Variants in DCLK2 observed in about 807,000 individuals in gnomAD.
DCLK2 encodes doublecortin like kinase 2, also known as serine/threonine-protein kinase DCLK2.
Under a neutral mutation model 78.4 loss-of-function variants are expected in DCLK2, and 31 were observed. The ratio of observed to expected loss-of-function variants is 0.40; its 90% confidence interval spans 0.30 to 0.53. DCLK2 has a LOEUF of 0.53. Ranked by LOEUF, DCLK2 falls within the 20% of genes least tolerant of loss-of-function variation. The probability of loss-of-function intolerance (pLI) is 0.61; values close to 1 mark genes in which losing one functional copy is unlikely to be tolerated. For synonymous variants in DCLK2, 407 were observed against 374.9 expected, an observed-to-expected ratio of 1.09 and a Z score of -0.99; for missense variants, 872 against 973.7, an observed-to-expected ratio of 0.90 and a Z score of 1.39.
intron 2 of DCLK2, among the ~76,000 whole-genome samples, chr4:150,179,602 T>C (rs1737356262): frequency 1.3e-5 from 2 of 152,200 alleles, no homozygotes; most frequent in Non-Finnish European, 2.9e-5. Flanking sequence ...ACTAATCTTA[T>C]TTTTATGTAC....
intron 2 of DCLK2, among the ~76,000 whole-genome samples, chr4:150,143,050 C>A (rs796833144): frequency 4.6e-5 from 7 of 152,220 alleles, no homozygotes; most frequent in African/African-American, 1.4e-4. Flanking sequence ...TTTTATCTTT[C>A]TATGTTAGCT....
chr4:150,149,880 G>A (rs1280149784), intron 2 of DCLK2, among the ~76,000 whole-genome samples: 1 of 152,162 alleles, frequency 6.6e-6, no homozygotes, highest in Non-Finnish European at 1.5e-5. Context: ...TTACATAACA[G>A]TCTTTGTAAA....
In DCLK2 at chr4:150,175,024, A is replaced by ATATATT. The variant is rs1736874755; in HGVS notation, c.757-18109_757-18108insTTATAT. ...AAAAAAAAAAAAAATATATATATAT[A>ATATATT]TATATATATTTATATATATTTATAT... On this transcript the variant is annotated intron_variant, in intron 2 of 15. Transcript: ENST00000296550. 7.8e-5 allele frequency among the ~76,000 whole-genome samples: 5 copies of ATATATT among 63,940 alleles called. 2 individuals are homozygous for ATATATT. Among genetic ancestry groups the ATATATT allele is most frequent in the Non-Finnish European group, 1.2e-4 (4 of 32,234 alleles). 41.9% of individuals were successfully genotyped at this position (63,940 alleles called of 152,430 possible). A position where few individuals can be genotyped will look rare whatever the true frequency, so the allele number is the denominator to read the frequency against.
intron 5 of DCLK2, among the ~76,000 whole-genome samples, chr4:150,214,217 C>T (rs1401589649): frequency 6.6e-6 from 1 of 152,202 alleles, no homozygotes; most frequent in African/African-American, 2.4e-5. Flanking sequence ...CCAGAAACTT[C>T]ATCCACAGAT....
rs190137857 is a variant in DCLK2, at chr4:150,167,933, T to C, written c.757-25205T>C. On this transcript the variant is annotated intron_variant, in intron 2 of 15. Transcript: ENST00000296550. ...ATGCGTACAACTCCAGTAAACACAC[T>C]GTGCATGCAGGCCCTCCCAAGTGCT... Among the ~76,000 whole-genome samples the C allele has an allele frequency of 9.2e-4, 140 of 152,250 alleles. 1 individual carries two copies. Among genetic ancestry groups the C allele is most frequent in the Non-Finnish European group, 1.8e-3 (124 of 68,020 alleles).
chr4:150,220,950 T>C (rs1741143412), intron 6 of DCLK2, among the ~76,000 whole-genome samples, 172 bp downstream of exon 6: 1 of 152,214 alleles, frequency 6.6e-6, no homozygotes, highest in African/African-American at 2.4e-5. Flanking sequence ...TACTTCAAGA[T>C]AAAGAAAAAT....
intron 12 of DCLK2, among the ~76,000 whole-genome samples, chr4:150,242,659 G>A (rs1176848909): frequency 6.6e-6 from 1 of 152,074 alleles, no homozygotes; most frequent in East Asian, 1.9e-4. Flanking sequence ...GGGCTGTCCT[G>A]GGCTTCCATG....
intron 2 of DCLK2, among the ~76,000 whole-genome samples, chr4:150,139,420 C>T (rs1418166452): frequency 6.6e-6 from 1 of 152,142 alleles, no homozygotes; most frequent in African/African-American, 2.4e-5. Flanking sequence ...TGGACGAATG[C>T]CTGTGAAGTG....
At chr4:150,112,460 T>C (rs767064016) in intron 2 of DCLK2, among the ~76,000 whole-genome samples, 1 of 152,180 alleles carries the variant, frequency 6.6e-6, no homozygotes, top group African/African-American at 2.4e-5. Context: ...AGTAACTGTA[T>C]TGAATAGAAG....
intron 5 of DCLK2, among the ~76,000 whole-genome samples, chr4:150,205,851 A>G (rs1017294942): frequency 2.0e-5 from 3 of 152,250 alleles, no homozygotes; most frequent in African/African-American, 2.4e-5. Context: ...AGTGAGCCAC[A>G]TGCCAAGGTC....
chr4:150,233,120 A>C (rs1742209422), intron 10 of DCLK2, among the ~76,000 whole-genome samples: 1 of 152,222 alleles, frequency 6.6e-6, no homozygotes, highest in African/African-American at 2.4e-5. Flanking sequence ...CCACAGGCTT[A>C]ACAGGAAGGC....
At chr4:150,087,907 A>G (rs1450231848) in intron 1 of DCLK2, among the ~76,000 whole-genome samples, 1 of 152,180 alleles carries the variant, frequency 6.6e-6, no homozygotes, top group East Asian at 1.9e-4. Flanking sequence ...TTGGGTTTCT[A>G]TGACCTTCCT....
intron 12 of DCLK2, among the ~76,000 whole-genome samples, chr4:150,244,205 G>C (rs1165397284): frequency 6.6e-6 from 1 of 152,138 alleles, no homozygotes; most frequent in Non-Finnish European, 1.5e-5. Context: ...AAAGTGTTGA[G>C]ATTATAGGTG....
chr4:150,123,495 A>G lies in DCLK2; in HGVS notation c.756+20683A>G, dbSNP rs369745948. On this transcript the variant is annotated intron_variant, in intron 2 of 15. Transcript: ENST00000296550. ...ATGATTACAGTAGTAACATCAAAAA[A>G]TATCACAGATGACCCTAATGGCTAT... is the stretch of plus-strand genomic sequence containing the variant. 1.6e-4 allele frequency among the ~76,000 whole-genome samples: 24 copies of G among 152,340 alleles called. No individual in the cohort carries two copies. The South Asian group carries it at 5.0e-3, about 32-fold the overall frequency.
At chr4:150,184,892 T>C (rs919039542) in intron 2 of DCLK2, among the ~76,000 whole-genome samples, 1 of 152,182 alleles carries the variant, frequency 6.6e-6, no homozygotes, top group East Asian at 1.9e-4. Flanking sequence ...TGAGCCTCCG[T>C]GCCCGGCCAG....
rs116572746 is a variant in DCLK2, at chr4:150,087,148, T to C, written c.421+7700T>C. Among the ~76,000 whole-genome samples, 822 of 152,366 alleles carry C rather than the reference T, an allele frequency of 5.4e-3. 5 individuals are homozygous for C. The highest frequency in any genetic ancestry group is 0.019 in the African/African-American group (771 of 41,584). On this transcript the variant is annotated intron_variant, in intron 1 of 15. Transcript: ENST00000296550. ...ACAGCCTAAAGGAGAAGTCATTATATTGTAATTTGTCAGAAGCTTTTCCTT... is the reference window on the plus strand; with the variant it reads ...ACAGCCTAAAGGAGAAGTCATTATACTGTAATTTGTCAGAAGCTTTTCCTT...
chr4:150,100,831 G>A (rs527635412), intron 1 of DCLK2, among the ~76,000 whole-genome samples: 1 of 152,312 alleles, frequency 6.6e-6, no homozygotes, highest in Admixed American at 6.5e-5. Flanking sequence ...TCTCTAAACG[G>A]TGGTGGTTGG....
chr4:150,079,229 GAGA>G lies in DCLK2; in HGVS notation c.208_210del (p.Lys70del), dbSNP rs1159592019. ...GCGGACCCTGCAGGCCCTCAGCTCGGAGAAGAAGGCCAAGAAGGCGCGCTTCTA... is the reference window on the plus strand; with the variant it reads ...GCGGACCCTGCAGGCCCTCAGCTCGGAGAAGGCCAAGAAGGCGCGCTTCTA... On this transcript the variant is annotated inframe_deletion, in exon 1 of 16. Transcript: ENST00000296550. 2 of 1,610,950 alleles carry G rather than the reference GAGA, an allele frequency of 1.2e-6. No individual in the cohort carries two copies. Among genetic ancestry groups the G allele is most frequent in the Non-Finnish European group, 1.7e-6 (2 of 1,178,706 alleles).
chr4:150,164,824 T>C (rs1001317941), intron 2 of DCLK2, among the ~76,000 whole-genome samples: 8 of 152,152 alleles, frequency 5.3e-5, no homozygotes, highest in African/African-American at 2.4e-5. Flanking sequence ...TCCAGTTATA[T>C]TTTATTAGTA....
Sources: gnomAD v4.1 joint callset for allele counts (sites outside exome capture counted in the v4.1 genomes callset) on GRCh38, gnomAD v4.1.1 for gene constraint, MANE v1.5 for transcripts, NCBI Gene and HGNC (gene_info 2026-07-23, HGNC 2026-07-21) for gene names.